The following OR5AN1 variants were observed in gnomAD, a reference collection of about 807,000 sequenced individuals.
OR5AN1 encodes olfactory receptor family 5 subfamily AN member 1.
For synonymous variants in OR5AN1, 167 were observed against 131.8 expected (o/e 1.27, Z -1.83); for missense variants, 476 against 368.9 (o/e 1.29, Z -2.38).
rs1009206646 is a variant in OR5AN1, at chr11:59,370,619, A to C, written c.*5225A>C. ...TATCCAAGATATTCTTGCCCTTACA[A>C]ATATCAATGTATTCAGAAGCTATAT... On this transcript the variant is annotated 3_prime_UTR_variant, in exon 2 of 2. Coordinates refer to ENST00000641998, the MANE Select transcript of OR5AN1 (RefSeq NM_001004729.2). The C allele has an allele frequency of 1.3e-5, 2 of 152,218 alleles. No individual in the cohort carries two copies. The highest frequency in any genetic ancestry group is 4.8e-5 in the African/African-American group (2 of 41,466). 9.4% of individuals were successfully genotyped at this position (152,218 alleles called of 1,614,324 possible). A position where few individuals can be genotyped will look rare whatever the true frequency, so the allele number is the denominator to read the frequency against.
chr11:59,371,683 T>C lies in OR5AN1; in HGVS notation c.*6289T>C, dbSNP rs1032118280. 2.6e-5 allele frequency: 4 copies of C among 152,162 alleles called. No homozygotes were observed. Among genetic ancestry groups the C allele is most frequent in the African/African-American group, 9.7e-5 (4 of 41,434 alleles). 9.4% of individuals were successfully genotyped at this position (152,162 alleles called of 1,614,324 possible). On this transcript the variant is annotated 3_prime_UTR_variant, in exon 2 of 2. Transcript: ENST00000641998. ...GTCCAGGGACAAATTTGGAAAAAAT[T>C]ATAGGATAGGCAACAGATAAAGGTA...
Position 59,365,700 on chromosome 11 carries a change from T to A in OR5AN1, c.*306T>A, listed in dbSNP as rs1397315205. Reference sequence around the variant, plus strand: ...ACAACAAGATTTAGAAATCTTTTGTTTCCTGTGGCTTCTCAGATCAAAGAT... The same window carrying A: ...ACAACAAGATTTAGAAATCTTTTGTATCCTGTGGCTTCTCAGATCAAAGAT... On this transcript the variant is annotated 3_prime_UTR_variant, in exon 2 of 2. Transcript: ENST00000641998. 1 of 251,774 alleles carries A rather than the reference T, an allele frequency of 4.0e-6. No individual in the cohort carries two copies. The highest frequency in any genetic ancestry group is 2.3e-5 in the African/African-American group (1 of 44,196). The allele number at this position is 251,774 out of a possible 1,614,324, so 15.6% of individuals were successfully genotyped here. A position where few individuals can be genotyped will look rare whatever the true frequency, so the allele number is the denominator to read the frequency against.
rs780600896 is a variant in OR5AN1, at chr11:59,364,627, C to A, written c.169C>A (p.His57Asn). The A allele has an allele frequency of 2.5e-6, 4 of 1,614,062 alleles. No homozygotes were observed. The highest frequency in any genetic ancestry group is 2.5e-6 in the Non-Finnish European group (3 of 1,179,956). Reference sequence around the variant, plus strand: ...TTTAATAAGGATGGATTCCCACCTCCATACACCCATGTATTTCTTCCTCAG... The same window carrying A: ...TTTAATAAGGATGGATTCCCACCTCAATACACCCATGTATTTCTTCCTCAG... Reference protein sequence around the residue: ...IVLIRMDSHLHTPMYFFLSNL... With the variant: ...IVLIRMDSHLNTPMYFFLSNL... Residue 57 changes from histidine (H) to asparagine (N), a missense_variant, in exon 2 of 2, where the codon CAT becomes AAT. Physicochemically the swap from His to Asn is moderately conservative, Grantham distance 68. Transcript: ENST00000641998.
At position 59,365,591 on chromosome 11, in the gene OR5AN1, C is replaced by T; in HGVS notation, c.*197C>T. The T allele has an allele frequency of 2.2e-6, 1 of 463,262 alleles. No homozygotes were observed. The highest frequency in any genetic ancestry group is 3.8e-6 in the Non-Finnish European group (1 of 264,744). The allele number at this position is 463,262 out of a possible 1,614,324, so 28.7% of individuals were successfully genotyped here. The stretch of plus-strand genomic sequence containing the variant: ...GCCACAGACATCAGGATCTTTAGGT[C>T]CTGGAGGTTCATTATTTTTATCCTA... On this transcript the variant is annotated 3_prime_UTR_variant, in exon 2 of 2. Transcript: ENST00000641998.
chr11:59,361,709 A>G (rs1488749491), intron 1 of OR5AN1, among the ~76,000 whole-genome samples: 2 of 152,236 alleles, frequency 1.3e-5, no homozygotes, highest in African/African-American at 2.4e-5. Flanking sequence ...TGTGCTAAAC[A>G]TCGCACAGCC....
chr11:59,364,723 GA>G lies in OR5AN1; in HGVS notation c.267del (p.Glu89AspfsTer22). 6.2e-7 allele frequency: 1 copy of G among 1,613,928 alleles called. No homozygotes were observed. The highest frequency in any genetic ancestry group is 1.3e-5 in the African/African-American group (1 of 74,990). ...VPKMLSNLLQ[E>X]QQTITFVGCI... ...CAAGATGCTCTCCAACCTCTTACAG[GA>G]ACAGCAAACTATCACTTTTGTTGGT... is the stretch of plus-strand genomic sequence containing the variant. On this transcript the variant is annotated frameshift_variant, in exon 2 of 2. Coordinates refer to ENST00000641998, the MANE Select transcript of OR5AN1 (RefSeq NM_001004729.2). LOFTEE classifies it low-confidence loss of function (END_TRUNC).
Position 59,365,135 on chromosome 11 carries a change from T to G in OR5AN1, c.677T>G (p.Ile226Ser). Residue 226 changes from isoleucine to serine, a missense_variant, in exon 2 of 2, where the codon ATC (isoleucine) becomes AGC (serine). By Grantham distance (142) the Ile-to-Ser change is moderately radical. Coordinates refer to ENST00000641998, the MANE Select transcript of OR5AN1 (RefSeq NM_001004729.2). ...TCCTATGGCTATATTGGCATCTCCA[T>G]CATGAAGATCACTTCAGCTAAAGGC... is the stretch of plus-strand genomic sequence containing the variant. ...MISYGYIGIS[I>S]MKITSAKGRS... 6.2e-7 allele frequency: 1 copy of G among 1,614,108 alleles called. No individual in the cohort carries two copies. Among genetic ancestry groups the G allele is most frequent in the Non-Finnish European group, 8.5e-7 (1 of 1,179,982 alleles).
intron 1 of OR5AN1, chr11:59,359,732 A>G (rs1485499632): frequency 3.3e-5 from 5 of 152,284 alleles, no homozygotes; most frequent in African/African-American, 1.2e-4. Context: ...ATCTGAAGAC[A>G]CTGTCCTGGG....
chr11:59,360,130 A>G (rs1197316785), intron 1 of OR5AN1: 4 of 152,218 alleles, frequency 2.6e-5, no homozygotes, highest in Admixed American at 2.6e-4. Flanking sequence ...TGAATAAGAA[A>G]AGCAATCCAC....
Position 59,365,023 on chromosome 11 carries a change from T to C in OR5AN1, c.565T>C (p.Ser189Pro). Reference sequence around the variant, plus strand: ...TGACATGCCCCAACTGTTAATCTTGTCCTGTACTGACACTTTCTTTGTACA... The same window carrying C: ...TGACATGCCCCAACTGTTAATCTTGCCCTGTACTGACACTTTCTTTGTACA... ...FCDMPQLLIL[S>P]CTDTFFVQVM... Residue 189 changes from serine (S) to proline (P), a missense_variant, in exon 2 of 2, where the codon TCC (serine) becomes CCC (proline). Coordinates refer to ENST00000641998, the MANE Select transcript of OR5AN1 (RefSeq NM_001004729.2). 6.2e-7 allele frequency: 1 copy of C among 1,614,126 alleles called. No individual in the cohort carries two copies.
In OR5AN1 at chr11:59,370,501, A is replaced by G. The variant is rs982672277; in HGVS notation, c.*5107A>G. On this transcript the variant is annotated 3_prime_UTR_variant, in exon 2 of 2. Coordinates refer to ENST00000641998, the MANE Select transcript of OR5AN1 (RefSeq NM_001004729.2). ...TAAAAATTTCTATTCTAACCAATTA[A>G]TGTATGAATTATGTGAAATACCAAT... 6.6e-6 allele frequency: 1 copy of G among 152,258 alleles called. No homozygotes were observed. Among genetic ancestry groups the G allele is most frequent in the African/African-American group, 2.4e-5 (1 of 41,472 alleles). The allele number at this position is 152,258 out of a possible 1,614,324, so 9.4% of individuals were successfully genotyped here. A position where few individuals can be genotyped will look rare whatever the true frequency, so the allele number is the denominator to read the frequency against.
chr11:59,367,594 G>T lies in OR5AN1; in HGVS notation c.*2200G>T, dbSNP rs554230594. On this transcript the variant is annotated 3_prime_UTR_variant, in exon 2 of 2. Transcript: ENST00000641998. Reference sequence around the variant, plus strand: ...AGTGGCATTGTACCTCCCTAAGAAGGAGCTCAAAGGGAAGAGCTGGGCTGT... The same window carrying T: ...AGTGGCATTGTACCTCCCTAAGAAGTAGCTCAAAGGGAAGAGCTGGGCTGT... 3 of 152,352 alleles carry T rather than the reference G, an allele frequency of 2.0e-5. No homozygotes were observed. Among genetic ancestry groups the T allele is most frequent in the African/African-American group, 7.2e-5 (3 of 41,556 alleles). 9.4% of individuals were successfully genotyped at this position (152,352 alleles called of 1,614,324 possible). A position where few individuals can be genotyped will look rare whatever the true frequency, so the allele number is the denominator to read the frequency against.
rs1194634624 is a variant in OR5AN1 at position 59,365,668 on chromosome 11, T to C, written c.*274T>C. 18 of 321,066 alleles carry C rather than the reference T, an allele frequency of 5.6e-5. No homozygotes were observed. The highest frequency in any genetic ancestry group is 8.5e-5 in the Non-Finnish European group (15 of 176,350). 19.9% of individuals were successfully genotyped at this position (321,066 alleles called of 1,614,324 possible). ...CATTTATGAATTTGTCCAAAATTATTTGTGAAACAACAAGATTTAGAAATC... is the reference window on the plus strand; with the variant it reads ...CATTTATGAATTTGTCCAAAATTATCTGTGAAACAACAAGATTTAGAAATC... On this transcript the variant is annotated 3_prime_UTR_variant, in exon 2 of 2. Coordinates refer to ENST00000641998, the MANE Select transcript of OR5AN1 (RefSeq NM_001004729.2).
At position 59,364,942 on chromosome 11, in the gene OR5AN1, G is replaced by A. The variant is rs772251827; in HGVS notation, c.484G>A (p.Gly162Ser). The A allele has an allele frequency of 1.2e-6, 2 of 1,614,014 alleles. No homozygotes were observed. Among genetic ancestry groups the A allele is most frequent in the Non-Finnish European group, 1.7e-6 (2 of 1,179,982 alleles). Residue 162 changes from glycine to serine, a missense_variant, in exon 2 of 2, where the codon GGT becomes AGT. Coordinates refer to ENST00000641998, the MANE Select transcript of OR5AN1 (RefSeq NM_001004729.2). ...CCTCACTGCTTCTTTATTCCAAATTGGTGCTTTGCTTCAACTCCACTTCTG... is the reference window on the plus strand; with the variant it reads ...CCTCACTGCTTCTTTATTCCAAATTAGTGCTTTGCTTCAACTCCACTTCTG... The part of the protein sequence containing the change: ...TGLTASLFQI[G>S]ALLQLHFCGS...
intron 1 of OR5AN1, among the ~76,000 whole-genome samples, chr11:59,361,612 T>C (rs1325571179): frequency 6.6e-6 from 1 of 152,160 alleles, no homozygotes; most frequent in Non-Finnish European, 1.5e-5. Flanking sequence ...CTTTATGTCA[T>C]TTCCATCCTT....
Position 59,365,174 on chromosome 11 carries a change from T to G in OR5AN1, c.716T>G (p.Phe239Cys). ...TCAGCTAAAGGCAGGTCCAAGGCAT[T>G]CAACACCTGTGCTTCTCATCTAACA... The part of the protein sequence containing the change: ...ITSAKGRSKA[F>C]NTCASHLTAV... The change falls in exon 2 of 2, where the codon TTC becomes TGC. Residue 239 changes from phenylalanine (F) to cysteine (C), a missense_variant. By Grantham distance (205) the Phe-to-Cys change is radical. Transcript: ENST00000641998. The G allele has an allele frequency of 6.2e-7, 1 of 1,614,028 alleles. No individual in the cohort carries two copies. Among genetic ancestry groups the G allele is most frequent in the Non-Finnish European group, 8.5e-7 (1 of 1,179,926 alleles).
rs1857501253 is a variant in OR5AN1 at position 59,364,550 on chromosome 11, T to C, written c.92T>C (p.Ile31Thr). ...AGGATCATAAAAGTGCTCTTCACTA[T>C]ATTCCTGGTGATCTACATTACATCT... ...FPRIIKVLFT[I>T]FLVIYITSLA... The change falls in exon 2 of 2, where the codon ATA (isoleucine) becomes ACA (threonine). Residue 31 changes from isoleucine (I) to threonine (T), a missense_variant. Transcript: ENST00000641998. The C allele has an allele frequency of 6.2e-7, 1 of 1,613,808 alleles. No homozygotes were observed. The highest frequency in any genetic ancestry group is 8.5e-7 in the Non-Finnish European group (1 of 1,179,840).
rs1427064207 is a variant in OR5AN1, at chr11:59,371,081, A to T, written c.*5687A>T. ...TATGTGGAGTATTCCTTTTTCTTTTAAACAAAGGTAAGACTAGACTTTCTC... is the reference window on the plus strand; with the variant it reads ...TATGTGGAGTATTCCTTTTTCTTTTTAACAAAGGTAAGACTAGACTTTCTC... On this transcript the variant is annotated 3_prime_UTR_variant, in exon 2 of 2. Coordinates refer to ENST00000641998, the MANE Select transcript of OR5AN1 (RefSeq NM_001004729.2). 2 of 151,174 alleles carry T rather than the reference A, an allele frequency of 1.3e-5. No individual in the cohort carries two copies. The highest frequency in any genetic ancestry group is 2.4e-5 in the African/African-American group (1 of 41,198). The allele number at this position is 151,174 out of a possible 1,614,324, so 9.4% of individuals were successfully genotyped here.
At position 59,371,193 on chromosome 11, in the gene OR5AN1, T is replaced by A. The variant is rs2134489920; in HGVS notation, c.*5799T>A. On this transcript the variant is annotated 3_prime_UTR_variant, in exon 2 of 2. Coordinates refer to ENST00000641998, the MANE Select transcript of OR5AN1 (RefSeq NM_001004729.2). ...CACATAAAGATAAACATTTTTAATG[T>A]TTGCATAGTGTCCCTGCTTAATATT... 1 of 152,324 alleles carries A rather than the reference T, an allele frequency of 6.6e-6. No homozygotes were observed. The highest frequency in any genetic ancestry group is 2.4e-5 in the African/African-American group (1 of 41,574). The allele number at this position is 152,324 out of a possible 1,614,324, so 9.4% of individuals were successfully genotyped here. A position where few individuals can be genotyped will look rare whatever the true frequency, so the allele number is the denominator to read the frequency against.
Sources: gnomAD v4.1 joint callset for allele counts (sites outside exome capture counted in the v4.1 genomes callset) on GRCh38, gnomAD v4.1.1 for gene constraint, MANE v1.5 for transcripts, NCBI Gene and HGNC (gene_info 2026-07-23, HGNC 2026-07-21) for gene names.